Variants in SMURF1 observed in about 807,000 individuals in gnomAD.
SMURF1 encodes SMAD specific E3 ubiquitin protein ligase 1.
SMURF1 carries 44 observed loss-of-function variants against 98.0 expected under a neutral mutation model. The ratio of observed to expected loss-of-function variants is 0.45; its 90% CI spans 0.35 to 0.58. The LOEUF is 0.58. Ranked by LOEUF, SMURF1 falls within the 20% of genes least tolerant of loss-of-function variation. The probability of loss-of-function intolerance (pLI) is 0.00; values close to 1 mark genes in which losing one functional copy is unlikely to be tolerated. For missense variants in SMURF1, 687 were observed against 938.4 expected (o/e 0.73, Z 3.50); for synonymous variants, 396 against 374.9 (o/e 1.06, Z -0.65).
At chr7:99,060,378 C>CAAAA (rs11340949) in intron 3 of SMURF1, among the ~76,000 whole-genome samples, 2 of 92,492 alleles carry the variant, frequency 2.2e-5, no homozygotes, top group East Asian at 3.4e-4. Flanking sequence ...GACTCCGTCT[C>CAAAA]AAAAAAAAAA....
chr7:99,053,275 G>A (rs1795804634), intron 6 of SMURF1, among the ~76,000 whole-genome samples: 1 of 151,962 alleles, frequency 6.6e-6, no homozygotes, highest in Non-Finnish European at 1.5e-5. Flanking sequence ...TTTCAAATAT[G>A]TATAAAAAAT....
intron 1 of SMURF1, among the ~76,000 whole-genome samples, chr7:99,095,093 C>T (rs141106267): frequency 8.4e-5 from 5 of 59,192 alleles, no homozygotes; most frequent in African/African-American, 1.3e-4. Context: ...TTTTATTTTA[C>T]TTTTGAGATG....
intron 1 of SMURF1, among the ~76,000 whole-genome samples, chr7:99,071,110 A>C (rs1347081038): frequency 6.7e-6 from 1 of 149,022 alleles, no homozygotes; most frequent in Admixed American, 6.7e-5. Flanking sequence ...CCCAGGCTGG[A>C]GTGCAGTGGC....
In SMURF1 at chr7:99,140,399, G is replaced by A. The variant is rs910552146; in HGVS notation, c.55+3327C>T. 6.9e-5 allele frequency among the ~76,000 whole-genome samples: 10 copies of A among 144,964 alleles called. No individual in the cohort carries two copies. The South Asian group carries it at 1.1e-3, about 16-fold the overall frequency. On this transcript the variant is annotated intron_variant, in intron 1 of 17. Coordinates refer to ENST00000361368, the MANE Select transcript of SMURF1 (RefSeq NM_181349.3). ...CCTCCCAGGTTCAAGCCATTCTCCT[G>A]CCTCAGCCTACCCAGTAGCTGGGAC...
At chr7:99,088,826 A>T (rs1000585093) in intron 1 of SMURF1, among the ~76,000 whole-genome samples, 5 of 152,150 alleles carry the variant, frequency 3.3e-5, no homozygotes, top group Admixed American at 3.3e-4. Flanking sequence ...GCACTTTGGG[A>T]GGCTGAGGTG....
intron 1 of SMURF1, among the ~76,000 whole-genome samples, chr7:99,104,831 T>TAGGGGCTTC (rs1176353460): frequency 2.0e-5 from 3 of 152,158 alleles, no homozygotes; most frequent in Non-Finnish European, 4.4e-5. Context: ...ATGACAGCAA[T>TAGGGGCTTC]AGGGGCTTCA....
At chr7:99,110,914 A>T (rs879787013) in intron 1 of SMURF1, among the ~76,000 whole-genome samples, 29 of 152,254 alleles carry the variant, frequency 1.9e-4, no homozygotes, top group Non-Finnish European at 3.7e-4. Context: ...TACATGACAA[A>T]AACAATACAC....
intron 1 of SMURF1, among the ~76,000 whole-genome samples, chr7:99,065,767 G>A (rs1330628211): frequency 6.6e-6 from 1 of 151,904 alleles, no homozygotes; most frequent in Non-Finnish European, 1.5e-5. Context: ...CACAAGCGAG[G>A]CTGGGCGCGG....
chr7:99,038,604 G>T, intron 13 of SMURF1, 79 bp from the exon 14 acceptor site: 1 of 1,535,290 alleles, frequency 6.5e-7, no homozygotes, highest in South Asian at 1.2e-5. Context: ...AAACATTTAC[G>T]ACTGCCAAAC....
At chr7:99,143,420 TGCAAGGGGCGTGGC>T (rs1798184662) in intron 1 of SMURF1, among the ~76,000 whole-genome samples, 1 of 99,844 alleles carries the variant, frequency 1.0e-5, no homozygotes, top group African/African-American at 4.0e-5. Context: ...GGGAAGGAGA[TGCAAGGGGCGTGGC>T]CATGAATGGA....
intron 1 of SMURF1, among the ~76,000 whole-genome samples, chr7:99,127,939 C>T (rs1180267078): frequency 2.0e-5 from 3 of 152,168 alleles, no homozygotes; most frequent in African/African-American, 7.2e-5. Flanking sequence ...GATAAACTGT[C>T]TCCTTTTGAG....
At chr7:99,039,045 TAGCC>T (rs1359042709) in intron 13 of SMURF1, among the ~76,000 whole-genome samples, 1 of 151,252 alleles carries the variant, frequency 6.6e-6, no homozygotes, top group East Asian at 2.0e-4. Context: ...CACAAAAAAT[TAGCC>T]AGGTGTGGTG....
At chr7:99,116,676 C>T (rs1251862345) in intron 1 of SMURF1, among the ~76,000 whole-genome samples, 1 of 152,146 alleles carries the variant, frequency 6.6e-6, no homozygotes, top group Non-Finnish European at 1.5e-5. Context: ...AAGACTCATA[C>T]ACTGAAAATT....
At chr7:99,047,038 C>G (rs1321457098) in intron 10 of SMURF1, among the ~76,000 whole-genome samples, 2 of 152,172 alleles carry the variant, frequency 1.3e-5, no homozygotes, top group East Asian at 3.9e-4. Flanking sequence ...CAAAGGAGGG[C>G]AGGAAATGGC....
intron 1 of SMURF1, among the ~76,000 whole-genome samples, chr7:99,071,100 C>T (rs1311876587): frequency 6.7e-6 from 1 of 149,738 alleles, no homozygotes; most frequent in Admixed American, 6.7e-5. Flanking sequence ...TGCTCTGTTG[C>T]CCAGGCTGGA....
At chr7:99,051,285 T>C in intron 8 of SMURF1, 72 bp downstream of exon 8, 1 of 1,171,076 alleles carries the variant, frequency 8.5e-7, no homozygotes, top group Non-Finnish European at 1.3e-6. Context: ...GAGCAACACA[T>C]CTGGAAGGTA....
intron 1 of SMURF1, among the ~76,000 whole-genome samples, chr7:99,128,992 T>A (rs184641649): frequency 6.6e-6 from 1 of 152,142 alleles, no homozygotes; most frequent in East Asian, 1.9e-4. Flanking sequence ...AATGTTAAGT[T>A]TAGAACAAAA....
At chr7:99,060,248 A>C (rs1709729) in intron 3 of SMURF1, among the ~76,000 whole-genome samples, 99,418 of 151,542 alleles carry the variant, frequency 0.66, 34,548 homozygotes, top group African/African-American at 0.91. Context: ...GCATGGTGGC[A>C]TATGTCCATA....
intron 1 of SMURF1, among the ~76,000 whole-genome samples, chr7:99,101,811 G>T (rs1797088196): frequency 6.6e-6 from 1 of 152,116 alleles, no homozygotes; most frequent in Non-Finnish European, 1.5e-5. Flanking sequence ...GTGGTGGTGT[G>T]CGCCTGTAAG....
Sources: allele counts gnomAD v4.1 joint callset (sites outside exome capture counted in the v4.1 genomes callset), GRCh38; gene constraint gnomAD v4.1.1; transcripts MANE v1.5; gene names NCBI Gene and HGNC (gene_info 2026-07-23, HGNC 2026-07-21).